AOPEP: variants seen among roughly 807,000 people sequenced by gnomAD.
The protein encoded by AOPEP is aminopeptidase O (putative).
AOPEP carries 77 observed loss-of-function variants against 98.1 expected under a neutral mutation model. That is an observed-to-expected ratio of 0.78 (90% CI 0.65 to 0.95). AOPEP has a LOEUF of 0.95. Among genes scored for constraint, AOPEP ranks in the 40% least tolerant of loss-of-function variants. The probability of loss-of-function intolerance (pLI) is 0.00; values close to 1 mark genes in which losing one functional copy is unlikely to be tolerated. For missense variants in AOPEP, 1,024 were observed against 1,024.7 expected (o/e 1.00, Z 0.01); for synonymous variants, 346 against 365.3 (o/e 0.95, Z 0.60).
At chr9:94,943,612 AAAAAG>A (rs1436966928) in intron 7 of AOPEP, among the ~76,000 whole-genome samples, 3 of 148,944 alleles carry the variant, frequency 2.0e-5, no homozygotes, top group Non-Finnish European at 3.0e-5. Flanking sequence ...AAAAAAAAGA[AAAAAG>A]AAAAAAAAAG....
At chr9:94,729,514 A>T (rs1443750472) in intron 1 of AOPEP, among the ~76,000 whole-genome samples, 1 of 151,610 alleles carries the variant, frequency 6.6e-6, no homozygotes, top group Non-Finnish European at 1.5e-5. Flanking sequence ...TCGAGGCTGC[A>T]GTGAGCTGTG....
chr9:94,834,799 TGCA>T, intron 5 of AOPEP, among the ~76,000 whole-genome samples: 1 of 112,462 alleles, frequency 8.9e-6, no homozygotes, highest in Admixed American at 8.4e-5. Flanking sequence ...TCTAAATGCA[TGCA>T]TGCATGCATG....
chr9:95,064,084 A>G (rs952297880), intron 14 of AOPEP, among the ~76,000 whole-genome samples: 1 of 152,234 alleles, frequency 6.6e-6, no homozygotes, highest in Non-Finnish European at 1.5e-5. Flanking sequence ...ATTGCAAACT[A>G]AACTAGTAGG....
chr9:95,007,160 A>G (rs1406325759), intron 13 of AOPEP, among the ~76,000 whole-genome samples: 1 of 152,112 alleles, frequency 6.6e-6, no homozygotes, highest in African/African-American at 2.4e-5. Flanking sequence ...TCGGTGTCCC[A>G]AAGTGCTGGG....
chr9:94,787,549 G>A (rs541521556), intron 3 of AOPEP, among the ~76,000 whole-genome samples: 6 of 152,320 alleles, frequency 3.9e-5, no homozygotes, highest in African/African-American at 1.2e-4. Flanking sequence ...TAGGGAGAAA[G>A]CCTGTTGTGC....
chr9:94,729,688 G>A (rs1290997606), intron 1 of AOPEP, among the ~76,000 whole-genome samples: 1 of 152,136 alleles, frequency 6.6e-6, no homozygotes, highest in Admixed American at 6.5e-5. Context: ...TAGGATGTTA[G>A]CAGTATCTCT....
the AOPEP span, chr9:95,100,927 G>T: frequency 8.6e-6 from 2 of 232,958 alleles, no homozygotes; most frequent in Admixed American, 1.1e-4. Context: ...ACTGCACCCA[G>T]CCAGGCCAAT....
intron 5 of AOPEP, among the ~76,000 whole-genome samples, chr9:94,847,915 C>T (rs757989707): frequency 1.3e-5 from 2 of 152,130 alleles, no homozygotes; most frequent in Non-Finnish European, 2.9e-5. Flanking sequence ...TTACTTGGTC[C>T]TTGGACTGAA....
rs117131963 is a variant in AOPEP at position 95,031,149 on chromosome 9, A to T, written c.2115+25533A>T. Among the ~76,000 whole-genome samples the T allele has an allele frequency of 5.8e-3, 886 of 152,290 alleles. 9 individuals are homozygous for T. The highest frequency in any genetic ancestry group is 9.6e-3 in the Non-Finnish European group (652 of 68,028). On this transcript the variant is annotated intron_variant, in intron 13 of 16. Coordinates refer to ENST00000375315, the MANE Select transcript of AOPEP (RefSeq NM_001193329.3). ...GTGCAGTCACATGCACCCCCACATG[A>T]CATGAGCTCTGGTGGTGTTAACAGC... is the stretch of plus-strand genomic sequence containing the variant.
At chr9:95,105,882 C>A in the AOPEP span, among the ~76,000 whole-genome samples, 1 of 152,206 alleles carries the variant, frequency 6.6e-6, no homozygotes, top group Non-Finnish European at 1.5e-5. Flanking sequence ...CCTCTACAGG[C>A]GTTTAGGCCA....
chr9:94,810,291 C>G (rs1850230555), intron 5 of AOPEP, among the ~76,000 whole-genome samples: 1 of 151,466 alleles, frequency 6.6e-6, no homozygotes, highest in South Asian at 2.1e-4. Context: ...CTTAGGGCCC[C>G]TACATTTGAT....
At chr9:94,813,313 T>C (rs1200056578) in intron 5 of AOPEP, among the ~76,000 whole-genome samples, 1 of 152,208 alleles carries the variant, frequency 6.6e-6, no homozygotes, top group African/African-American at 2.4e-5. Context: ...TTAAAGATCT[T>C]GGTTGCTTTG....
At chr9:94,938,739 T>C (rs1010518773) in intron 7 of AOPEP, among the ~76,000 whole-genome samples, 11 of 152,088 alleles carry the variant, frequency 7.2e-5, no homozygotes, top group Non-Finnish European at 1.6e-4. Context: ...CTCTGGGTAA[T>C]GGTGAGGTAT....
intron 15 of AOPEP, 38 bp downstream of exon 15, chr9:95,080,818 G>C: frequency 7.3e-7 from 1 of 1,366,328 alleles, no homozygotes; most frequent in African/African-American, 1.4e-5. Context: ...ATTCTGTAAA[G>C]GCTGTCCCTG....
chr9:95,125,078 T>C, the AOPEP span: 2 of 1,612,186 alleles, frequency 1.2e-6, no homozygotes, highest in Admixed American at 1.7e-5. Flanking sequence ...ATATGTGATA[T>C]AACAAACCTG....
chr9:94,971,279 G>T (rs1291758182), intron 10 of AOPEP, among the ~76,000 whole-genome samples: 3 of 152,076 alleles, frequency 2.0e-5, no homozygotes, highest in Admixed American at 6.5e-5. Context: ...CTCCCGGTTA[G>T]GATCGTGTTT....
At chr9:94,883,707 C>G (rs937253945) in intron 5 of AOPEP, among the ~76,000 whole-genome samples, 1 of 152,222 alleles carries the variant, frequency 6.6e-6, no homozygotes, top group African/African-American at 2.4e-5. Context: ...ATAAGTACCT[C>G]TAAGTATCAG....
chr9:94,738,298 T>G (rs471161), intron 1 of AOPEP, among the ~76,000 whole-genome samples: 34,261 of 152,054 alleles, frequency 0.23, 5,605 homozygotes, highest in African/African-American at 0.46. Flanking sequence ...TTTCTCTAAG[T>G]CATTCTAGGT....
intron 1 of AOPEP, among the ~76,000 whole-genome samples, chr9:94,751,349 G>C (rs1564066083): frequency 6.6e-6 from 1 of 152,164 alleles, no homozygotes; most frequent in African/African-American, 2.4e-5. Context: ...CATTTAAGGA[G>C]AGGGCAGAAT....
Sources: gnomAD v4.1 joint callset for allele counts (sites outside exome capture counted in the v4.1 genomes callset) on GRCh38, gnomAD v4.1.1 for gene constraint, MANE v1.5 for transcripts, NCBI Gene and HGNC (gene_info 2026-07-23, HGNC 2026-07-21) for gene names.